ENAH: variants seen among roughly 807,000 people sequenced by gnomAD.
The protein encoded by ENAH is ENAH actin regulator, also known as protein enabled homolog.
Under a neutral mutation model 78.7 loss-of-function variants are expected in ENAH, and 23 were observed. The ratio of observed to expected loss-of-function variants is 0.29; its 90% CI spans 0.21 to 0.41. The LOEUF is 0.41. ENAH is among the 10% of genes least tolerant of loss of function. ENAH has a pLI of 1.00. For synonymous variants in ENAH, 226 were observed against 241.0 expected (o/e 0.94, Z 0.58); for missense variants, 544 against 691.0 (o/e 0.79, Z 2.39).
intron 1 of ENAH, among the ~76,000 whole-genome samples, chr1:225,580,005 T>A (rs929260612): frequency 1.3e-5 from 2 of 152,170 alleles, no homozygotes; most frequent in African/African-American, 4.8e-5. Context: ...TTAAAATTTC[T>A]CACCCTACTG....
At chr1:225,556,668 G>C (rs757892742) in intron 2 of ENAH, among the ~76,000 whole-genome samples, 1 of 152,172 alleles carries the variant, frequency 6.6e-6, no homozygotes, top group Non-Finnish European at 1.5e-5. Flanking sequence ...CTTGATGGAT[G>C]TAAGTTCTTC....
chr1:225,498,973 G>T (rs985981870), intron 12 of ENAH, among the ~76,000 whole-genome samples: 1 of 152,086 alleles, frequency 6.6e-6, no homozygotes, highest in Non-Finnish European at 1.5e-5. Flanking sequence ...TGTCCAATAC[G>T]GCAGGCACGA....
intron 2 of ENAH, among the ~76,000 whole-genome samples, chr1:225,558,287 G>T (rs2151445127): frequency 6.6e-6 from 1 of 152,208 alleles, no homozygotes; most frequent in African/African-American, 2.4e-5. Context: ...CTGGAAAAAA[G>T]TACGTAATAC....
At chr1:225,543,828 C>A (rs926930691) in intron 3 of ENAH, among the ~76,000 whole-genome samples, 4 of 152,036 alleles carry the variant, frequency 2.6e-5, no homozygotes, top group African/African-American at 9.7e-5. Flanking sequence ...ATATGAAATA[C>A]CAACTAACTT....
At chr1:225,504,975 C>A in intron 11 of ENAH, 1 of 1,601,912 alleles carries the variant, frequency 6.2e-7, no homozygotes, top group South Asian at 1.1e-5. Context: ...ATCACAACGT[C>A]ACAGCAGGAT....
At chr1:225,504,043 G>A (rs1014210958) in intron 11 of ENAH, among the ~76,000 whole-genome samples, 4 of 147,384 alleles carry the variant, frequency 2.7e-5, no homozygotes, top group Admixed American at 6.9e-5. Context: ...GTCTCACTCT[G>A]TCACCCAGGC....
intron 4 of ENAH, among the ~76,000 whole-genome samples, chr1:225,527,412 C>T (rs879850349): frequency 2.0e-5 from 3 of 152,208 alleles, no homozygotes; most frequent in Non-Finnish European, 4.4e-5. Context: ...TCACACTAGA[C>T]TGTGCTATAC....
At chr1:225,513,083 C>T (rs1172647796) in intron 7 of ENAH, 67 bp from the exon 8 acceptor site, 8 of 1,323,838 alleles carry the variant, frequency 6.0e-6, no homozygotes, top group Non-Finnish European at 8.1e-6. Context: ...TAATATATTA[C>T]ATCTAAAACA....
At chr1:225,511,027 A>G (rs567042634) in intron 10 of ENAH, among the ~76,000 whole-genome samples, 14 of 152,316 alleles carry the variant, frequency 9.2e-5, no homozygotes, top group South Asian at 4.1e-4. Context: ...TCTCAAAAAA[A>G]TTAAAAAAAT....
At chr1:225,607,313 T>C (rs1418551229) in intron 1 of ENAH, among the ~76,000 whole-genome samples, 2 of 152,324 alleles carry the variant, frequency 1.3e-5, no homozygotes, top group African/African-American at 4.8e-5. Flanking sequence ...AAAGCCATCC[T>C]GGGCCACATG....
chr1:225,503,300 T>C (rs1298629488), intron 11 of ENAH, among the ~76,000 whole-genome samples: 2 of 152,144 alleles, frequency 1.3e-5, no homozygotes, highest in Non-Finnish European at 2.9e-5. Flanking sequence ...TTAAAAAATA[T>C]ATGTATTTTT....
intron 2 of ENAH, among the ~76,000 whole-genome samples, chr1:225,557,030 C>A (rs1049990441): frequency 5.9e-5 from 9 of 152,190 alleles, no homozygotes; most frequent in African/African-American, 2.2e-4. Context: ...AATGTCTTAA[C>A]TGTTGTAGCT....
intron 3 of ENAH, among the ~76,000 whole-genome samples, chr1:225,538,471 T>C (rs1334661694): frequency 6.6e-6 from 1 of 152,046 alleles, no homozygotes. Flanking sequence ...TAAAATGTGA[T>C]AAAAAAACTT....
At chr1:225,635,413 G>A (rs1357517145) in intron 1 of ENAH, among the ~76,000 whole-genome samples, 1 of 152,104 alleles carries the variant, frequency 6.6e-6, no homozygotes, top group Non-Finnish European at 1.5e-5. Flanking sequence ...TTTGTGTGAC[G>A]ATCTTGTACC....
intron 1 of ENAH, among the ~76,000 whole-genome samples, chr1:225,573,127 G>A (rs2096771753): frequency 6.6e-6 from 1 of 152,154 alleles, no homozygotes; most frequent in African/African-American, 2.4e-5. Flanking sequence ...AGGATTGCTA[G>A]GCTAGTCTTG....
At chr1:225,521,915 C>T (rs1206423886) in intron 4 of ENAH, among the ~76,000 whole-genome samples, 1 of 152,020 alleles carries the variant, frequency 6.6e-6, no homozygotes, top group Non-Finnish European at 1.5e-5. Flanking sequence ...CTTGCCTCAG[C>T]CTCCCGAGTA....
At chr1:225,568,496 C>T (rs2096745670) in intron 1 of ENAH, among the ~76,000 whole-genome samples, 1 of 152,212 alleles carries the variant, frequency 6.6e-6, no homozygotes, top group Non-Finnish European at 1.5e-5. Flanking sequence ...AACTCAACCT[C>T]AATAGACAAG....
chr1:225,505,859 C>T (rs1490762816), intron 11 of ENAH, among the ~76,000 whole-genome samples: 1 of 151,900 alleles, frequency 6.6e-6, no homozygotes, highest in Non-Finnish European at 1.5e-5. Context: ...GAAGGAAAAC[C>T]ACCTAACAGA....
At chr1:225,600,656 A>C (rs1325946809) in intron 1 of ENAH, among the ~76,000 whole-genome samples, 1 of 151,636 alleles carries the variant, frequency 6.6e-6, no homozygotes, top group Non-Finnish European at 1.5e-5. Flanking sequence ...CCAAGGGTTC[A>C]AGACCAGCCT....
Sources: allele counts gnomAD v4.1 joint callset (sites outside exome capture counted in the v4.1 genomes callset), GRCh38; gene constraint gnomAD v4.1.1; transcripts MANE v1.5; gene names NCBI Gene and HGNC (gene_info 2026-07-23, HGNC 2026-07-21).